The following C16orf96 variants were observed in gnomAD, a reference collection of about 807,000 sequenced individuals.
The protein encoded by C16orf96 is uncharacterized protein C16orf96.
In C16orf96, 108 loss-of-function variants were observed where a neutral mutation model predicts 103.6. The ratio of observed to expected loss-of-function variants is 1.04; its 90% CI spans 0.89 to 1.22. The LOEUF is 1.22. Among genes scored for constraint, C16orf96 ranks in the 50% most tolerant of loss-of-function variants. The pLI is 0.00. For synonymous variants in C16orf96, 566 were observed against 593.5 expected (o/e 0.95, Z 0.67); for missense variants, 1,586 against 1,464.2 (o/e 1.08, Z -1.36).
chr16:4,581,489 CG>C (rs1330401023), intron 7 of C16orf96, among the ~76,000 whole-genome samples: 1 of 150,486 alleles, frequency 6.6e-6, no homozygotes, highest in Non-Finnish European at 1.5e-5. Context: ...AAAAATTAGC[CG>C]GGCGTGGTGG....
At chr16:4,552,204 G>A (rs1017192718), upstream of C16orf96, among the ~76,000 whole-genome samples, 21 of 151,988 alleles carry the variant, frequency 1.4e-4, no homozygotes, top group Admixed American at 9.9e-4. Context: ...AAAGTTGGCC[G>A]GGCGCGGTGG....
At chr16:4,545,136 T>G in the C16orf96 span, among the ~76,000 whole-genome samples, 1 of 152,288 alleles carries the variant, frequency 6.6e-6, no homozygotes. Context: ...GACCAGACGT[T>G]AGTTGGGTGC....
chr16:4,594,298 G>C, intron 12 of C16orf96, 53 bp from the exon 13 acceptor site: 1 of 1,534,704 alleles, frequency 6.5e-7, no homozygotes, highest in Non-Finnish European at 8.8e-7. Context: ...GCCCGTCCTG[G>C]GCTCTGGGGT....
chr16:4,592,425 C>A, intron 11 of C16orf96, 58 bp downstream of exon 11: 1 of 1,519,948 alleles, frequency 6.6e-7, no homozygotes, highest in South Asian at 1.2e-5. Flanking sequence ...CCATGGAGGT[C>A]ATCTCCGTGC....
Position 4,559,573 on chromosome 16 carries a change from A to C in C16orf96, c.420+2664A>C, listed in dbSNP as rs1233923458. ...CTCAAAAAAAAAAAATTAAAAATAAATAAATAAATTGAGGGGAAATTGACC... is the reference window on the plus strand; with the variant it reads ...CTCAAAAAAAAAAAATTAAAAATAACTAAATAAATTGAGGGGAAATTGACC... On this transcript the variant is annotated intron_variant, in intron 1 of 15. Transcript: ENST00000444310. Among the ~76,000 whole-genome samples the C allele has an allele frequency of 1.2e-3, 181 of 151,924 alleles. 3 individuals are homozygous for C. Among genetic ancestry groups the C allele is most frequent in the Non-Finnish European group, 1.2e-4 (8 of 67,980 alleles).
chr16:4,547,691 T>TC, the C16orf96 span, among the ~76,000 whole-genome samples: 81 of 19,418 alleles, frequency 4.2e-3, no homozygotes, highest in African/African-American at 4.8e-3. Flanking sequence ...CTTCCTTCCT[T>TC]CTTTCTTTCT....
At chr16:4,594,210 A>G in intron 12 of C16orf96, 141 bp from the exon 13 acceptor site, 1 of 932,746 alleles carries the variant, frequency 1.1e-6, no homozygotes, top group Admixed American at 2.8e-5. Context: ...GCCAGGCCCC[A>G]GGCCTGCCTG....
At chr16:4,539,842 C>T in the C16orf96 span, among the ~76,000 whole-genome samples, 4 of 152,112 alleles carry the variant, frequency 2.6e-5, no homozygotes, top group African/African-American at 4.8e-5. Flanking sequence ...GTCTGATGCA[C>T]CAGCCAAGGC....
chr16:4,554,289 C>G (rs1039164847), upstream of C16orf96, among the ~76,000 whole-genome samples: 2 of 152,062 alleles, frequency 1.3e-5, no homozygotes, highest in Non-Finnish European at 2.9e-5. Flanking sequence ...GTGAGGGCAC[C>G]GTCACTTGGG....
chr16:4,596,607 G>C (rs896920651), intron 14 of C16orf96, among the ~76,000 whole-genome samples: 11 of 151,942 alleles, frequency 7.2e-5, no homozygotes, highest in African/African-American at 2.7e-4. Flanking sequence ...GCTTGAGCCC[G>C]GGAATTTGAG....
At chr16:4,571,181 A>G (rs1049235475) in intron 1 of C16orf96, among the ~76,000 whole-genome samples, 3 of 152,110 alleles carry the variant, frequency 2.0e-5, no homozygotes, top group East Asian at 3.9e-4. Flanking sequence ...GTGAGACTCC[A>G]TCTTAGAAAC....
At chr16:4,553,906 C>A (rs571626046), upstream of C16orf96, among the ~76,000 whole-genome samples, 3 of 152,172 alleles carry the variant, frequency 2.0e-5, no homozygotes, top group South Asian at 2.1e-4. Flanking sequence ...CTCAAGATTC[C>A]ACAGCTGGTG....
chr16:4,591,859 G>A (rs957596762), intron 10 of C16orf96, 75 bp downstream of exon 10: 65 of 1,181,072 alleles, frequency 5.5e-5, no homozygotes, highest in Non-Finnish European at 7.3e-5. Flanking sequence ...TGGAAGCTCT[G>A]GGAGGAAAGA....
Position 4,575,476 on chromosome 16 carries a change from T to C in C16orf96, c.996T>C (p.Thr332=). 1 of 1,548,002 alleles carries C rather than the reference T, an allele frequency of 6.5e-7. No individual in the cohort carries two copies. Among genetic ancestry groups the C allele is most frequent in the Middle Eastern group, 1.7e-4 (1 of 5,988 alleles). Residue 332 remains threonine, a synonymous_variant, in exon 5 of 16, where the codon ACT becomes ACC. Transcript: ENST00000444310. The part of the protein sequence containing the change: ...TEFAPGPAPG[T]EPVPGLELGL... The stretch of plus-strand genomic sequence containing the variant: ...TTGCACCTGGGCCTGCACCTGGGAC[T>C]GAACCTGTGCCAGGACTGGAGCTGG...
chr16:4,589,895 G>A (rs1284288614), intron 9 of C16orf96, among the ~76,000 whole-genome samples: 2 of 151,858 alleles, frequency 1.3e-5, no homozygotes, highest in South Asian at 2.1e-4. Flanking sequence ...AGGCTGAGGC[G>A]GGCAGATCAC....
At chr16:4,550,266 G>A in the C16orf96 span, among the ~76,000 whole-genome samples, 1 of 152,014 alleles carries the variant, frequency 6.6e-6, no homozygotes, top group Non-Finnish European at 1.5e-5. Context: ...TATAATTTTA[G>A]TAGAGACAGG....
chr16:4,598,892 A>AGGATAGCTT (rs1555441053), intron 14 of C16orf96, among the ~76,000 whole-genome samples: 1 of 152,158 alleles, frequency 6.6e-6, no homozygotes, highest in East Asian at 1.9e-4. Flanking sequence ...TCAAGGTGGG[A>AGGATAGCTT]GGATAGCTTG....
rs1487663114 is a variant in C16orf96, at chr16:4,556,526, A to T, written c.37A>T (p.Ile13Phe). 6.5e-7 allele frequency: 1 copy of T among 1,540,838 alleles called. No homozygotes were observed. Among genetic ancestry groups the T allele is most frequent in the East Asian group, 2.5e-5 (1 of 40,604 alleles). ...ACTCACGTTCACCGAGCTGGCCAAC[A>T]TCGCCATCCCACAGTGCGGGGTGCT... ...FSLTFTELAN[I>F]AIPQCGVLNF... The change falls in exon 1 of 16, where the codon ATC becomes TTC. Residue 13 changes from isoleucine to phenylalanine, a missense_variant. Transcript: ENST00000444310.
Position 4,593,394 on chromosome 16 carries a change from GAGACAC to G in C16orf96, c.2867+80_2867+85del, listed in dbSNP as rs1302273280. On this transcript the variant is annotated intron_variant, in intron 12 of 15. Coordinates refer to ENST00000444310, the MANE Select transcript of C16orf96 (RefSeq NM_001145011.2). The surrounding 1 kb of genome is among the most constrained non-coding windows in gnomAD (Gnocchi z 4.2). ...GGAGCCTGGGAACCCTGTTCCTGCAGAGACACATCCTCCAGGCCCAGGGACCTAAGA... is the reference window on the plus strand; with the variant it reads ...GGAGCCTGGGAACCCTGTTCCTGCAGATCCTCCAGGCCCAGGGACCTAAGA... 3.0e-6 allele frequency: 4 copies of G among 1,341,526 alleles called. No individual in the cohort carries two copies. In the African/African-American group the frequency reaches 4.4e-5, roughly 15 times the overall value. 83.1% of individuals were successfully genotyped at this position (1,341,526 alleles called of 1,614,324 possible). A position where few individuals can be genotyped will look rare whatever the true frequency, so the allele number is the denominator to read the frequency against.
Sources: allele counts gnomAD v4.1 joint callset (sites outside exome capture counted in the v4.1 genomes callset), GRCh38; gene constraint gnomAD v4.1.1; non-coding constraint Gnocchi (gnomAD v3.1); transcripts MANE v1.5; gene names NCBI Gene and HGNC (gene_info 2026-07-23, HGNC 2026-07-21).